ADAMTSL1: variants seen among roughly 807,000 people sequenced by gnomAD.
The protein encoded by ADAMTSL1 is ADAMTS-like protein 1.
In ADAMTSL1, 126 loss-of-function variants were observed where a neutral mutation model predicts 201.8. The ratio of observed to expected loss-of-function variants is 0.62; its 90% CI spans 0.54 to 0.72. ADAMTSL1 has a LOEUF of 0.72. Among genes scored for constraint, ADAMTSL1 ranks in the 30% least tolerant of loss-of-function variants. ADAMTSL1 has a pLI of 0.00. For missense variants in ADAMTSL1, 2,679 were observed against 2,277.8 expected, an observed-to-expected ratio of 1.18 and a Z score of -3.59; for synonymous variants, 1,121 against 903.4, an observed-to-expected ratio of 1.24 and a Z score of -4.32.
At chr9:18,483,869 A>T (rs558723826) in intron 1 of ADAMTSL1, among the ~76,000 whole-genome samples, 8 of 152,256 alleles carry the variant, frequency 5.3e-5, no homozygotes, top group African/African-American at 1.9e-4. Context: ...CTCAAAGATC[A>T]TTGTTGGCTT....
chr9:18,898,779 T>C (rs902614606), intron 26 of ADAMTSL1, among the ~76,000 whole-genome samples: 2 of 152,136 alleles, frequency 1.3e-5, no homozygotes, highest in African/African-American at 4.8e-5. Context: ...TCTCTCCAAC[T>C]AGATATTGAA....
At chr9:18,870,627 A>G (rs1588277221) in intron 23 of ADAMTSL1, among the ~76,000 whole-genome samples, 2 of 152,282 alleles carry the variant, frequency 1.3e-5, no homozygotes, top group South Asian at 4.1e-4. Context: ...TCACAAGCCA[A>G]TAAAGTTATA....
chr9:18,707,525 G>C (rs1832300474), intron 14 of ADAMTSL1, among the ~76,000 whole-genome samples: 1 of 152,170 alleles, frequency 6.6e-6, no homozygotes, highest in South Asian at 2.1e-4. Flanking sequence ...TTGATACAGT[G>C]GTTACCTGGA....
intron 13 of ADAMTSL1, among the ~76,000 whole-genome samples, chr9:18,686,820 C>A (rs1292144482): frequency 6.6e-6 from 1 of 152,094 alleles, no homozygotes; most frequent in East Asian, 1.9e-4. Context: ...TTAATGCATC[C>A]ACAGAAGCAT....
intron 1 of ADAMTSL1, among the ~76,000 whole-genome samples, chr9:18,049,738 C>T (rs1165775182): frequency 2.0e-5 from 3 of 152,164 alleles, no homozygotes; most frequent in African/African-American, 4.8e-5. Flanking sequence ...ATTCTCCCGC[C>T]TCAGCCTCCC....
chr9:18,690,493 C>T (rs570099538), intron 13 of ADAMTSL1, among the ~76,000 whole-genome samples: 1 of 152,218 alleles, frequency 6.6e-6, no homozygotes, highest in East Asian at 1.9e-4. Context: ...TCATGAATCT[C>T]AGGCCACAGA....
chr9:18,033,503 C>G (rs1372778696), intron 1 of ADAMTSL1, among the ~76,000 whole-genome samples: 1 of 152,164 alleles, frequency 6.6e-6, no homozygotes, highest in Non-Finnish European at 1.5e-5. Flanking sequence ...AAGTCAGCTT[C>G]AAATACATAT....
intron 2 of ADAMTSL1, among the ~76,000 whole-genome samples, chr9:18,296,796 G>A (rs1292284015): frequency 5.9e-5 from 9 of 152,160 alleles, no homozygotes; most frequent in Non-Finnish European, 1.3e-4. Context: ...AAACCACAGT[G>A]TGGCTCTCTT....
intron 3 of ADAMTSL1, among the ~76,000 whole-genome samples, chr9:18,566,017 G>A (rs1427851773): frequency 6.6e-6 from 1 of 152,058 alleles, no homozygotes; most frequent in Non-Finnish European, 1.5e-5. Flanking sequence ...CTTAATATTG[G>A]CCTGTTAAAT....
intron 1 of ADAMTSL1, among the ~76,000 whole-genome samples, chr9:18,156,149 C>T (rs2132063367): frequency 6.6e-6 from 1 of 152,102 alleles, no homozygotes; most frequent in African/African-American, 2.4e-5. Flanking sequence ...CTCTGCTATG[C>T]TCAGTCATTG....
At position 17,999,277 on chromosome 9, in the gene ADAMTSL1, G is replaced by T. The variant is rs540928796; in HGVS notation, c.87+92355G>T. Among the ~76,000 whole-genome samples the T allele has an allele frequency of 3.9e-5, 6 of 151,998 alleles. No individual in the cohort carries two copies. The South Asian group carries it at 1.2e-3, about 32-fold the overall frequency. The stretch of plus-strand genomic sequence containing the variant: ...GGATTATAGCTAAATCCTATTGTAT[G>T]TTTAGACCAGAGGCTAGAACTGGTG... On this transcript the variant is annotated intron_variant, in intron 1 of 29. Transcript: ENST00000680146.
At chr9:18,032,419 C>G (rs1441897562) in intron 1 of ADAMTSL1, among the ~76,000 whole-genome samples, 4 of 152,190 alleles carry the variant, frequency 2.6e-5, no homozygotes, top group African/African-American at 4.8e-5. Context: ...TGCTCTCAGG[C>G]TATTGGCAAA....
intron 1 of ADAMTSL1, among the ~76,000 whole-genome samples, chr9:18,103,024 A>G (rs761326241): frequency 4.6e-5 from 7 of 152,150 alleles, no homozygotes; most frequent in Non-Finnish European, 1.0e-4. Flanking sequence ...TCCCATCCCT[A>G]TACGTGGGTT....
intron 2 of ADAMTSL1, among the ~76,000 whole-genome samples, chr9:18,290,842 C>T (rs1363170827): frequency 3.4e-5 from 5 of 146,768 alleles, no homozygotes; most frequent in African/African-American, 5.1e-5. Flanking sequence ...AGTGCAGTGG[C>T]GCCATCTTGG....
intron 4 of ADAMTSL1, among the ~76,000 whole-genome samples, chr9:18,595,331 T>C (rs1029642257): frequency 2.1e-4 from 32 of 152,142 alleles, no homozygotes; most frequent in African/African-American, 6.8e-4. Flanking sequence ...TTGGATCAGA[T>C]GGACATGCAT....
intron 19 of ADAMTSL1, among the ~76,000 whole-genome samples, chr9:18,792,470 G>T (rs979471118): frequency 2.0e-5 from 3 of 152,194 alleles, no homozygotes; most frequent in African/African-American, 7.2e-5. Flanking sequence ...ACCGTTTTCT[G>T]TAGGGACAAG....
At chr9:18,869,904 G>A (rs1827779770) in intron 23 of ADAMTSL1, among the ~76,000 whole-genome samples, 2 of 151,554 alleles carry the variant, frequency 1.3e-5, no homozygotes, top group African/African-American at 4.9e-5. Context: ...TTCTTTCATG[G>A]CCTCCAATTA....
intron 18 of ADAMTSL1, 139 bp downstream of exon 18, chr9:18,776,035 G>A: frequency 8.5e-7 from 1 of 1,174,990 alleles, no homozygotes; most frequent in Non-Finnish European, 1.2e-6. Context: ...GCTGCAGGCA[G>A]GAGAGCTCAG....
intron 2 of ADAMTSL1, among the ~76,000 whole-genome samples, chr9:18,256,676 C>T (rs1013632175): frequency 6.6e-6 from 1 of 152,140 alleles, no homozygotes; most frequent in Non-Finnish European, 1.5e-5. Context: ...ATTCTGGAAC[C>T]TACTAGCCTC....
Sources: gnomAD v4.1 joint callset for allele counts (sites outside exome capture counted in the v4.1 genomes callset) on GRCh38, gnomAD v4.1.1 for gene constraint, MANE v1.5 for transcripts, NCBI Gene and HGNC (gene_info 2026-07-23, HGNC 2026-07-21) for gene names.